PGCKA1: variants seen among roughly 807,000 people sequenced by gnomAD.
PGCKA1 encodes PDCD10 and GCKIII kinases associated 1, also known as PDCD10 and GCKIII kinases-associated protein 1.
At chr4:37,562,638 C>G in the PGCKA1 span, among the ~76,000 whole-genome samples, 2 of 152,188 alleles carry the variant, frequency 1.3e-5, no homozygotes, top group African/African-American at 2.4e-5. Flanking sequence ...TGTCTGCCCA[C>G]CTTTGCCCAC....
chr4:37,504,993 G>A, the PGCKA1 span, among the ~76,000 whole-genome samples: 1 of 152,144 alleles, frequency 6.6e-6, no homozygotes, highest in Non-Finnish European at 1.5e-5. Context: ...TCCTTGTCAT[G>A]TTCCAGATCT....
the PGCKA1 span, among the ~76,000 whole-genome samples, chr4:37,485,831 C>T: frequency 1.3e-5 from 2 of 152,278 alleles, no homozygotes; most frequent in Non-Finnish European, 2.9e-5. Flanking sequence ...TACAAGCTCA[C>T]TGTCCTGTCC....
the PGCKA1 span, among the ~76,000 whole-genome samples, chr4:37,557,587 A>C: frequency 6.6e-6 from 1 of 152,102 alleles, no homozygotes; most frequent in Non-Finnish European, 1.5e-5. Context: ...AATGGCACTG[A>C]TTTTATCCCC....
At chr4:37,523,763 C>T in the PGCKA1 span, among the ~76,000 whole-genome samples, 1 of 152,176 alleles carries the variant, frequency 6.6e-6, no homozygotes, top group Non-Finnish European at 1.5e-5. Flanking sequence ...ATATTCATTT[C>T]TCACAGTTCT....
the PGCKA1 span, among the ~76,000 whole-genome samples, chr4:37,519,779 G>C: frequency 6.6e-6 from 1 of 152,102 alleles, no homozygotes; most frequent in Non-Finnish European, 1.5e-5. Flanking sequence ...AATGGCTCTA[G>C]CTAGGACTTC....
chr4:37,540,124 C>T, the PGCKA1 span, among the ~76,000 whole-genome samples: 1 of 152,170 alleles, frequency 6.6e-6, no homozygotes, highest in Non-Finnish European at 1.5e-5. Context: ...GCATACATAA[C>T]ACACGGTTCA....
At chr4:37,503,660 G>A in the PGCKA1 span, among the ~76,000 whole-genome samples, 7 of 152,168 alleles carry the variant, frequency 4.6e-5, no homozygotes, top group Non-Finnish European at 8.8e-5. Flanking sequence ...GGGGTGAGAT[G>A]ATATCTCATT....
At chr4:37,458,891 T>C in the PGCKA1 span, among the ~76,000 whole-genome samples, 23 of 152,316 alleles carry the variant, frequency 1.5e-4, no homozygotes, top group Admixed American at 1.2e-3. Context: ...ATGTAACTTG[T>C]CTAACTTAAT....
the PGCKA1 span, among the ~76,000 whole-genome samples, chr4:37,490,653 A>G: frequency 7.9e-5 from 12 of 152,188 alleles, no homozygotes; most frequent in Non-Finnish European, 1.6e-4. Flanking sequence ...TCACCTGGAC[A>G]GAGGAAGATA....
the PGCKA1 span, among the ~76,000 whole-genome samples, chr4:37,582,954 A>G: frequency 6.6e-6 from 1 of 152,108 alleles, no homozygotes; most frequent in Non-Finnish European, 1.5e-5. Flanking sequence ...TATTATTATG[A>G]TGGCTATCAA....
chr4:37,512,708 C>T, the PGCKA1 span, among the ~76,000 whole-genome samples: 2 of 152,016 alleles, frequency 1.3e-5, no homozygotes, highest in Non-Finnish European at 2.9e-5. Flanking sequence ...CCCGCCTCGG[C>T]CTTCCTAAGT....
chr4:37,583,945 G>C, the PGCKA1 span, among the ~76,000 whole-genome samples: 2 of 152,304 alleles, frequency 1.3e-5, no homozygotes, highest in Admixed American at 1.3e-4. Flanking sequence ...CAAAAGGGAG[G>C]CAAGGAAGAC....
At chr4:37,586,188 G>A in the PGCKA1 span, among the ~76,000 whole-genome samples, 1 of 151,952 alleles carries the variant, frequency 6.6e-6, no homozygotes, top group Non-Finnish European at 1.5e-5. Context: ...AGTGACTGAG[G>A]CCCAAAGTCC....
At chr4:37,550,113 C>T in the PGCKA1 span, among the ~76,000 whole-genome samples, 1 of 152,054 alleles carries the variant, frequency 6.6e-6, no homozygotes, top group African/African-American at 2.4e-5. Flanking sequence ...CACTCAGTAC[C>T]AAGTATGTAA....
chr4:37,549,674 C>A, the PGCKA1 span, among the ~76,000 whole-genome samples: 1 of 152,204 alleles, frequency 6.6e-6, no homozygotes, highest in African/African-American at 2.4e-5. Context: ...ACCCCGCCAC[C>A]TTACTCCTGG....
chr4:37,483,953 G>C, the PGCKA1 span, among the ~76,000 whole-genome samples: 1 of 152,158 alleles, frequency 6.6e-6, no homozygotes, highest in Non-Finnish European at 1.5e-5. Context: ...CTTTTCCTGG[G>C]AGGATGGCTG....
chr4:37,535,107 G>A, the PGCKA1 span, among the ~76,000 whole-genome samples: 2 of 152,202 alleles, frequency 1.3e-5, no homozygotes, highest in Admixed American at 1.3e-4. Flanking sequence ...TTCCGGAAGA[G>A]GCCAACACTG....
chr4:37,457,155 A>C, the PGCKA1 span, among the ~76,000 whole-genome samples: 1 of 152,226 alleles, frequency 6.6e-6, no homozygotes, highest in Non-Finnish European at 1.5e-5. Flanking sequence ...TACAGACTTA[A>C]ATATCTACAT....
the PGCKA1 span, among the ~76,000 whole-genome samples, chr4:37,518,592 A>T: frequency 6.6e-6 from 1 of 152,258 alleles, no homozygotes; most frequent in East Asian, 1.9e-4. Flanking sequence ...GTCTATTCAA[A>T]TCTTTTGCCC....
Sources: allele counts gnomAD v4.1 joint callset (sites outside exome capture counted in the v4.1 genomes callset), GRCh38; gene constraint gnomAD v4.1.1; transcripts MANE v1.5; gene names NCBI Gene and HGNC (gene_info 2026-07-23, HGNC 2026-07-21).